ZDHHC15: variants seen among roughly 807,000 people sequenced by gnomAD.
The protein encoded by ZDHHC15 is zDHHC palmitoyltransferase 15.
Under a neutral mutation model 31.7 loss-of-function variants are expected in ZDHHC15, and 19 were observed. The observed-to-expected ratio is 0.60, with a 90% confidence interval of 0.42 to 0.88. ZDHHC15 has a LOEUF of 0.88. Among genes scored for constraint, ZDHHC15 ranks in the 40% least tolerant of loss-of-function variants. ZDHHC15 has a pLI of 0.00. For missense variants in ZDHHC15, 209 were observed against 251.2 expected (o/e 0.83, Z 1.14); for synonymous variants, 103 against 90.0 (o/e 1.14, Z -0.82).
At chrX:75,393,030 C>T (rs1426265371) in intron 10 of ZDHHC15, among the ~76,000 whole-genome samples, 1 of 110,245 alleles carries the variant, frequency 9.1e-6, no homozygotes, top group African/African-American at 3.3e-5. Context: ...TGTAGTTTCC[C>T]ATTGACCATA....
In ZDHHC15 at chrX:75,473,259, G is replaced by C. The variant is rs758894550; in HGVS notation, c.258+5632C>G. On this transcript the variant is annotated intron_variant, in intron 3 of 11. Transcript: ENST00000373367. ...GGTGACAATACTTTGCAGAGCTGGG[G>C]CATAGTTCTCCAGAAGGCCGTGTAT... Among the ~76,000 whole-genome samples the C allele has an allele frequency of 3.6e-5, 4 of 111,681 alleles. No homozygotes were observed. In the Admixed American group the frequency reaches 3.8e-4, roughly 11 times the overall value.
At chrX:75,407,807 G>A (rs774908922) in intron 10 of ZDHHC15, among the ~76,000 whole-genome samples, 1 of 112,683 alleles carries the variant, frequency 8.9e-6, no homozygotes, top group African/African-American at 3.2e-5. Context: ...AAATCAGATT[G>A]TTGCGTTGTC....
chrX:75,407,639 C>T (rs778791044), intron 10 of ZDHHC15, among the ~76,000 whole-genome samples: 12 of 108,792 alleles, frequency 1.1e-4, no homozygotes, highest in African/African-American at 2.3e-4. Context: ...AGGTGGGGGG[C>T]GCCTCTGCCT....
chrX:75,451,503 A>G (rs1372864432), intron 3 of ZDHHC15, among the ~76,000 whole-genome samples: 9 of 112,165 alleles, frequency 8.0e-5, no homozygotes, highest in Non-Finnish European at 1.3e-4. Context: ...ATAGTGCCAC[A>G]TTTTGCTAAT....
intron 4 of ZDHHC15, among the ~76,000 whole-genome samples, chrX:75,444,679 TATATATATACACAC>T (rs1278629195): frequency 1.0e-3 from 46 of 45,018 alleles, no homozygotes; most frequent in African/African-American, 3.2e-3. Flanking sequence ...TATATATATA[TATATATATACACAC>T]ACACACACAC....
At chrX:75,477,717 C>A (rs1304654344) in intron 3 of ZDHHC15, among the ~76,000 whole-genome samples, 1 of 111,631 alleles carries the variant, frequency 9.0e-6, no homozygotes, top group African/African-American at 3.2e-5. Context: ...ATATCTTTTT[C>A]TAGCTTTACA....
At chrX:75,373,926 G>GTTTTTTTTTCTTTTTTTTTTTTTTTTT (rs2083028090) in intron 11 of ZDHHC15, among the ~76,000 whole-genome samples, 1 of 50,454 alleles carries the variant, frequency 2.0e-5, no homozygotes, top group African/African-American at 7.6e-5. Flanking sequence ...CATTCTTTCT[G>GTTTTTTTTTCTTTTTTTTTTTTTTTTT]TTTTTTTTTT....
intron 1 of ZDHHC15, among the ~76,000 whole-genome samples, chrX:75,507,164 T>C (rs1242189577): frequency 9.0e-6 from 1 of 111,475 alleles, no homozygotes; most frequent in Non-Finnish European, 1.9e-5. Flanking sequence ...GGTTAACACA[T>C]TTTAGCTCAG....
Position 75,491,238 on chromosome X carries a change from A to T in ZDHHC15, c.164-12253T>A, listed in dbSNP as rs189285094. Among the ~76,000 whole-genome samples the T allele has an allele frequency of 8.0e-3, 885 of 110,747 alleles. 11 individuals are homozygous for T. Among genetic ancestry groups the T allele is most frequent in the African/African-American group, 0.027 (813 of 30,482 alleles). On this transcript the variant is annotated intron_variant, in intron 2 of 11. Coordinates refer to ENST00000373367, the MANE Select transcript of ZDHHC15 (RefSeq NM_144969.3). ...CTTGGAACCAACCCAAATGTCCAAC[A>T]ATGATAGACTGGATTAAGAAAATGT...
At chrX:75,408,908 G>A (rs1046268552) in intron 10 of ZDHHC15, among the ~76,000 whole-genome samples, 9 of 111,445 alleles carry the variant, frequency 8.1e-5, no homozygotes, top group African/African-American at 2.9e-4. Flanking sequence ...TCTATAGAAG[G>A]ATAACTATAA....
chrX:75,439,700 C>T (rs1008289364), intron 4 of ZDHHC15, among the ~76,000 whole-genome samples: 4 of 111,841 alleles, frequency 3.6e-5, no homozygotes, highest in Non-Finnish European at 7.5e-5. Context: ...AGATCCATTG[C>T]TTGTGACCTA....
chrX:75,404,775 G>A (rs2083393451), intron 10 of ZDHHC15, among the ~76,000 whole-genome samples: 1 of 111,929 alleles, frequency 8.9e-6, no homozygotes, highest in Non-Finnish European at 1.9e-5. Context: ...ATACACTGCT[G>A]GTGGGAGTGT....
intron 2 of ZDHHC15, among the ~76,000 whole-genome samples, chrX:75,496,325 A>C (rs894216633): frequency 9.0e-6 from 1 of 111,583 alleles, no homozygotes; most frequent in African/African-American, 3.3e-5. Context: ...ATATATATGC[A>C]CCTAACACTT....
At chrX:75,388,046 G>A (rs1308935695) in intron 10 of ZDHHC15, among the ~76,000 whole-genome samples, 2 of 111,996 alleles carry the variant, frequency 1.8e-5, no homozygotes, top group African/African-American at 3.2e-5. Flanking sequence ...AAACTACTGA[G>A]GGGCAGGGAG....
chrX:75,439,343 G>T (rs1402728363), intron 4 of ZDHHC15, among the ~76,000 whole-genome samples: 1 of 111,540 alleles, frequency 9.0e-6, no homozygotes, highest in Non-Finnish European at 1.9e-5. Flanking sequence ...AAAACTTCTT[G>T]GAGCCTTTGT....
intron 10 of ZDHHC15, among the ~76,000 whole-genome samples, chrX:75,405,375 TAAAATAA>T (rs1432911836): frequency 1.8e-5 from 2 of 110,460 alleles, no homozygotes; most frequent in African/African-American, 3.3e-5. Context: ...CCACCAAACC[TAAAATAA>T]AAAATAAAAA....
intron 10 of ZDHHC15, among the ~76,000 whole-genome samples, chrX:75,389,960 C>T (rs1165525169): frequency 9.0e-6 from 1 of 111,537 alleles, no homozygotes; most frequent in Non-Finnish European, 1.9e-5. Context: ...CTATACCTAC[C>T]CAGGGCCAGA....
At chrX:75,443,009 A>T (rs1226157289) in intron 4 of ZDHHC15, among the ~76,000 whole-genome samples, 3 of 109,842 alleles carry the variant, frequency 2.7e-5, no homozygotes, top group African/African-American at 9.9e-5. Flanking sequence ...AAAAAGAAAA[A>T]ATCAATATTG....
At chrX:75,384,103 C>T (rs2083154421) in intron 10 of ZDHHC15, among the ~76,000 whole-genome samples, 1 of 111,387 alleles carries the variant, frequency 9.0e-6, no homozygotes, top group African/African-American at 3.3e-5. Flanking sequence ...GTCAACCAGA[C>T]AGCCATCCTA....
Sources: allele counts gnomAD v4.1 joint callset (sites outside exome capture counted in the v4.1 genomes callset), GRCh38; gene constraint gnomAD v4.1.1; transcripts MANE v1.5; gene names NCBI Gene and HGNC (gene_info 2026-07-23, HGNC 2026-07-21).